RYR1: variants seen among roughly 807,000 people sequenced by gnomAD.
The protein encoded by RYR1 is ryanodine receptor 1.
Under a neutral mutation model 583.5 loss-of-function variants are expected in RYR1, and 342 were observed. The observed-to-expected ratio is 0.59, with a 90% CI of 0.54 to 0.64. The LOEUF (loss-of-function observed/expected upper bound fraction) is 0.64, where lower values mean the gene tolerates loss of function less well. Among genes scored for constraint, RYR1 ranks in the 30% least tolerant of loss-of-function variants. RYR1 has a pLI of 0.00. For missense variants in RYR1, 6,032 were observed against 6,917.2 expected (o/e 0.87, Z 4.54); for synonymous variants, 2,791 against 2,822.5 (o/e 0.99, Z 0.35).
rs1971494176 is a variant in RYR1, at chr19:38,526,984, T to C, written c.10627-9T>C. ...TCCAGAGTGACCCAGCCTGGCTCTG[T>C]CTCCCCAGAAAGACACAGATGAGGA... On this transcript the variant is annotated splice_polypyrimidine_tract_variant and intron_variant, in intron 71 of 105. Coordinates refer to ENST00000359596, the MANE Select transcript of RYR1 (RefSeq NM_000540.3). 8.7e-6 allele frequency: 14 copies of C among 1,613,612 alleles called. No individual in the cohort carries two copies. Among genetic ancestry groups the C allele is most frequent in the Non-Finnish European group, 1.1e-5 (13 of 1,179,780 alleles).
At chr19:38,536,635 G>T in intron 82 of RYR1, 115 bp from the exon 83 acceptor site, 1 of 1,204,134 alleles carries the variant, frequency 8.3e-7, no homozygotes, top group South Asian at 1.3e-5. Context: ...CTCTCTCTCT[G>T]TGTGTCTTTC....
chr19:38,459,262 C>A lies in RYR1; in HGVS notation c.2284C>A (p.Pro762Thr). 1 of 1,614,108 alleles carries A rather than the reference C, an allele frequency of 6.2e-7. No individual in the cohort carries two copies. Among genetic ancestry groups the A allele is most frequent in the Non-Finnish European group, 8.5e-7 (1 of 1,180,000 alleles). ...PSISFRINGC[P>T]VQGVFESFNL... ...CATCTCCTTCCGCATCAACGGCTGC[C>A]CCGTGCAGGGTGTCTTTGAGTCCTT... Residue 762 changes from proline (P) to threonine (T), a missense_variant, in exon 19 of 106, where the codon CCC (proline) becomes ACC (threonine). By Grantham distance (38) the Pro-to-Thr change is conservative (BLOSUM62 -1). Around this residue, in one of 11 missense-constraint regions of RYR1, gnomAD observed 2,627 missense variants for 2,961.3 expected, o/e 0.89. Transcript: ENST00000359596.
At chr19:38,487,192 A>G (rs1485922351) in intron 34 of RYR1, among the ~76,000 whole-genome samples, 1 of 151,912 alleles carries the variant, frequency 6.6e-6, no homozygotes, top group African/African-American at 2.4e-5. Context: ...CTCCATTCAT[A>G]TGTACGTACA....
Position 38,500,142 on chromosome 19 carries a change from G to T in RYR1, c.7323+126G>T. ...TGGGTGGTCCTGGACTAGCAATGTTGGGGACACAACAGTGACCAAGACAGC... is the reference window on the plus strand; with the variant it reads ...TGGGTGGTCCTGGACTAGCAATGTTTGGGACACAACAGTGACCAAGACAGC... On this transcript the variant is annotated intron_variant, in intron 45 of 105. Coordinates refer to ENST00000359596, the MANE Select transcript of RYR1 (RefSeq NM_000540.3). This position sits in a 1 kb window ranked among gnomAD's most constrained non-coding sequence, Gnocchi z 5.9. 2 of 858,426 alleles carry T rather than the reference G, an allele frequency of 2.3e-6. No homozygotes were observed. The highest frequency in any genetic ancestry group is 3.8e-6 in the Non-Finnish European group (2 of 527,648). 53.2% of individuals were successfully genotyped at this position (858,426 alleles called of 1,614,324 possible). A position where few individuals can be genotyped will look rare whatever the true frequency, so the allele number is the denominator to read the frequency against.
At chr19:38,552,696 G>C (rs1972715387) in intron 89 of RYR1, among the ~76,000 whole-genome samples, 3 of 152,194 alleles carry the variant, frequency 2.0e-5, no homozygotes, top group Admixed American at 1.3e-4. Flanking sequence ...ACTGCCTTCA[G>C]ATTCATCTGT....
chr19:38,519,511 C>G (rs1331956750), intron 67 of RYR1, 57 bp downstream of exon 67: 8 of 1,548,190 alleles, frequency 5.2e-6, no homozygotes, highest in Admixed American at 3.8e-5. Context: ...CGTCCTCCAG[C>G]CCCATCTGAT....
At chr19:38,518,572 A>G (rs182424365) in intron 66 of RYR1, among the ~76,000 whole-genome samples, 15 of 152,194 alleles carry the variant, frequency 9.9e-5, no homozygotes, top group African/African-American at 3.6e-4. Flanking sequence ...ATAGTGAGGT[A>G]AGACTCTGGG....
intron 87 of RYR1, among the ~76,000 whole-genome samples, chr19:38,544,329 G>A (rs1972333969): frequency 6.6e-6 from 1 of 152,180 alleles, no homozygotes; most frequent in African/African-American, 2.4e-5. Context: ...TCCCTGTTGA[G>A]CACCACCTTC....
intron 38 of RYR1, 51 bp from the exon 39 acceptor site, chr19:38,494,301 T>G (rs1315136741): frequency 6.2e-7 from 1 of 1,609,528 alleles, no homozygotes; most frequent in Non-Finnish European, 8.5e-7. Flanking sequence ...AGGCCCCATG[T>G]GCCGACCTGC....
At position 38,517,682 on chromosome 19, in the gene RYR1, C is replaced by G. The variant is rs200296387; in HGVS notation, c.10009C>G (p.Arg3337Gly). The G allele has an allele frequency of 8.7e-6, 14 of 1,614,058 alleles. No homozygotes were observed. The East Asian group carries it at 3.1e-4, about 36-fold the overall frequency. The stretch of plus-strand genomic sequence containing the variant: ...CATTGACGAGGCCTCCTGGATGAAG[C>G]GGCTGGCTGGTGGGTCGGGGGGCAC... ...LGIDEASWMK[R>G]LAVFAQPIVS... Residue 3337 changes from arginine to glycine, a missense_variant, in exon 66 of 106, where the codon CGG (arginine) becomes GGG (glycine). Around this residue, in one of 11 missense-constraint regions of RYR1, gnomAD observed 1,493 missense variants for 1,715.5 expected, o/e 0.87. Transcript: ENST00000359596.
intron 56 of RYR1, 113 bp downstream of exon 56, chr19:38,506,659 A>G: frequency 6.7e-7 from 1 of 1,482,106 alleles, no homozygotes; most frequent in Non-Finnish European, 9.3e-7. Context: ...GGGAATAATA[A>G]CAGCGTTTAC....
chr19:38,585,627 C>T (rs1295541407), intron 102 of RYR1, among the ~76,000 whole-genome samples: 1 of 151,616 alleles, frequency 6.6e-6, no homozygotes, highest in Non-Finnish European at 1.5e-5. Context: ...GCACATGCTA[C>T]CACACCCAGC....
At chr19:38,520,790 T>G (rs561172624) in intron 67 of RYR1, among the ~76,000 whole-genome samples, 2 of 152,102 alleles carry the variant, frequency 1.3e-5, no homozygotes, top group African/African-American at 4.8e-5. Context: ...AGTTCAATTT[T>G]TCAATCAGTA....
At chr19:38,537,404 GC>G (rs1185330852) in intron 83 of RYR1, among the ~76,000 whole-genome samples, 1 of 152,054 alleles carries the variant, frequency 6.6e-6, no homozygotes, top group Non-Finnish European at 1.5e-5. Context: ...AGGCATCTGG[GC>G]CAATTGGCTG....
At chr19:38,458,433 A>G in intron 18 of RYR1, 141 bp downstream of exon 18, 1 of 821,840 alleles carries the variant, frequency 1.2e-6, no homozygotes, top group East Asian at 2.4e-5. Context: ...TCATTTCCCA[A>G]GACCCTAACC....
chr19:38,460,380 G>C lies in RYR1; in HGVS notation c.2366G>C (p.Arg789Pro). The change falls in exon 20 of 106, where the codon CGG (arginine) becomes CCG (proline). Residue 789 changes from arginine to proline, a missense_variant. Transcript: ENST00000359596. ...VVSFSAGVKVRFLLGGRHGEF... is the reference protein window; with the variant it reads ...VVSFSAGVKVPFLLGGRHGEF... The stretch of plus-strand genomic sequence containing the variant: ...CATTGTCCTTCCTTACCCAGGGTGC[G>C]GTTCCTCCTTGGTGGCCGCCATGGT... The C allele has an allele frequency of 6.2e-7, 1 of 1,614,052 alleles. No homozygotes were observed. Among genetic ancestry groups the C allele is most frequent in the Non-Finnish European group, 8.5e-7 (1 of 1,179,968 alleles).
intron 1 of RYR1, among the ~76,000 whole-genome samples, chr19:38,437,299 C>T: frequency 6.6e-6 from 1 of 152,014 alleles, no homozygotes; most frequent in Admixed American, 6.6e-5. Flanking sequence ...GATGCGCCCA[C>T]CTTGGCCTCC....
Position 38,463,429 on chromosome 19 carries a change from C to T in RYR1, c.2584C>T (p.Leu862=), listed in dbSNP as rs566575705. 1.2e-6 allele frequency: 2 copies of T among 1,613,934 alleles called. No individual in the cohort carries two copies. Among genetic ancestry groups the T allele is most frequent in the East Asian group, 4.5e-5 (2 of 44,866 alleles). The change falls in exon 21 of 106, where the codon CTG becomes TTG. Residue 862 remains leucine (L), a synonymous_variant. Transcript: ENST00000359596. ...PCPVDTVQIV[L]PPHLERIREK... ...AACGTCCCTCTGCCTCTAGATTGTC[C>T]TGCCGCCCCATCTGGAGCGCATTCG...
chr19:38,480,728 T>C (rs1367721405), intron 31 of RYR1, among the ~76,000 whole-genome samples: 2 of 151,928 alleles, frequency 1.3e-5, no homozygotes. Flanking sequence ...TCATATATTT[T>C]ATTTTATTTA....
Sources: allele counts gnomAD v4.1 joint callset (sites outside exome capture counted in the v4.1 genomes callset), GRCh38; gene constraint gnomAD v4.1.1; regional missense constraint gnomAD v4.1.1; non-coding constraint Gnocchi (gnomAD v3.1); transcripts MANE v1.5; gene names NCBI Gene and HGNC (gene_info 2026-07-23, HGNC 2026-07-21).